GRIN3A: variants seen among roughly 807,000 people sequenced by gnomAD.
GRIN3A encodes glutamate receptor ionotropic, NMDA 3A.
In GRIN3A, 47 loss-of-function variants were observed where a neutral mutation model predicts 92.4. The observed-to-expected ratio is 0.51, with a 90% CI of 0.40 to 0.65. The LOEUF (loss-of-function observed/expected upper bound fraction) is 0.65, where lower values mean the gene tolerates loss of function less well. GRIN3A is among the 30% of genes least tolerant of loss of function. GRIN3A has a pLI of 0.00. For synonymous variants in GRIN3A, 527 were observed against 540.6 expected, an observed-to-expected ratio of 0.97 and a Z score of 0.35; for missense variants, 1,324 against 1,393.1, an observed-to-expected ratio of 0.95 and a Z score of 0.79.
intron 8 of GRIN3A, among the ~76,000 whole-genome samples, 194 bp from the exon 9 acceptor site, chr9:101,573,707 G>A (rs774490745): frequency 8.0e-5 from 12 of 150,624 alleles, no homozygotes; most frequent in Non-Finnish European, 1.2e-4. Context: ...AAAAGTTCAA[G>A]TCCCATGCTG....
intron 1 of GRIN3A, among the ~76,000 whole-genome samples, chr9:101,732,799 C>T (rs933569964): frequency 2.6e-5 from 4 of 152,158 alleles, no homozygotes; most frequent in African/African-American, 4.8e-5. Flanking sequence ...CTTTTACTTT[C>T]TCATTTGATT....
At chr9:101,595,906 G>A (rs1367641598) in intron 6 of GRIN3A, among the ~76,000 whole-genome samples, 2 of 152,172 alleles carry the variant, frequency 1.3e-5, no homozygotes, top group African/African-American at 4.8e-5. Flanking sequence ...GTCGCCTCTG[G>A]ATGATCTCAC....
chr9:101,701,323 G>A lies in GRIN3A; in HGVS notation c.700-14123C>T, dbSNP rs565040398. Among the ~76,000 whole-genome samples the A allele has an allele frequency of 3.9e-5, 6 of 152,144 alleles. No homozygotes were observed. In the South Asian group the frequency reaches 6.2e-4, roughly 16 times the overall value. On this transcript the variant is annotated intron_variant, in intron 1 of 8. Transcript: ENST00000361820. Reference sequence around the variant, plus strand: ...TTGTACAGATTATTTCATCACCGACGTATTAAGTCTAGTACCCATTAGTTG... The same window carrying A: ...TTGTACAGATTATTTCATCACCGACATATTAAGTCTAGTACCCATTAGTTG...
intron 3 of GRIN3A, 56 bp downstream of exon 3, chr9:101,670,004 C>A: frequency 7.8e-7 from 1 of 1,284,688 alleles, no homozygotes; most frequent in Admixed American, 1.7e-5. Context: ...GCAGAAGATA[C>A]AACATACGGA....
intron 6 of GRIN3A, among the ~76,000 whole-genome samples, chr9:101,584,671 T>C (rs1042890874): frequency 2.6e-5 from 4 of 152,254 alleles, no homozygotes; most frequent in Admixed American, 2.0e-4. Flanking sequence ...TCTATAAATT[T>C]ACTAGCCAAC....
At chr9:101,614,609 CTTTTTTTTTTTTTTTTT>C (rs754003481) in intron 5 of GRIN3A, among the ~76,000 whole-genome samples, 1 of 83,050 alleles carries the variant, frequency 1.2e-5, no homozygotes, top group African/African-American at 5.3e-5. Context: ...ATATGTGATA[CTTTTTTTTTTTTTTTTT>C]TTTTTTTTTT....
rs28485086 is a variant in GRIN3A, at chr9:101,624,723, T to C, written c.2499-1290A>G. 9.2e-3 allele frequency among the ~76,000 whole-genome samples: 1,390 copies of C among 151,560 alleles called. 26 individuals are homozygous for C. Among genetic ancestry groups the C allele is most frequent in the African/African-American group, 0.032 (1,330 of 41,256 alleles). ...TCTTTATAGCAGCATGATTTATAGT[T>C]CTTTGGGTATATACCCAGTAATGGG... On this transcript the variant is annotated intron_variant, in intron 4 of 8. Transcript: ENST00000361820.
At chr9:101,735,702 C>T (rs568743088) in intron 1 of GRIN3A, among the ~76,000 whole-genome samples, 1 of 151,974 alleles carries the variant, frequency 6.6e-6, no homozygotes, top group Admixed American at 6.5e-5. Flanking sequence ...TTTGTTAGAT[C>T]TGATTCTGCA....
Position 101,623,353 on chromosome 9 carries a change from T to C in GRIN3A, c.2579A>G (p.Lys860Arg), listed in dbSNP as rs1269918119. The change falls in exon 5 of 9, where the codon AAA becomes AGA. Residue 860 changes from lysine to arginine, a missense_variant. By Grantham distance (26) the Lys-to-Arg change is conservative. Coordinates refer to ENST00000361820, the MANE Select transcript of GRIN3A (RefSeq NM_133445.3). ...DYEVSIDADCKLLTVGKPFAI... is the reference protein window; with the variant it reads ...DYEVSIDADCRLLTVGKPFAI... ...AAATGGCTTCCCCACAGTGAGAAGT[T>C]TGCAGTCAGCATCTATTGACACTTC... 1.2e-6 allele frequency: 2 copies of C among 1,613,640 alleles called. No individual in the cohort carries two copies. Among genetic ancestry groups the C allele is most frequent in the South Asian group, 1.1e-5 (1 of 91,074 alleles).
intron 6 of GRIN3A, among the ~76,000 whole-genome samples, chr9:101,609,183 C>T (rs1293521588): frequency 5.9e-5 from 9 of 152,172 alleles, no homozygotes; most frequent in Non-Finnish European, 1.3e-4. Flanking sequence ...CCCATTCCCT[C>T]ACCAATGATA....
intron 4 of GRIN3A, among the ~76,000 whole-genome samples, chr9:101,624,950 C>T (rs1232753456): frequency 6.6e-6 from 1 of 152,060 alleles, no homozygotes; most frequent in Non-Finnish European, 1.5e-5. Context: ...TGGGGTTCAC[C>T]TCATATAAAT....
intron 6 of GRIN3A, among the ~76,000 whole-genome samples, chr9:101,595,998 C>G (rs1402780868): frequency 6.6e-6 from 1 of 152,156 alleles, no homozygotes; most frequent in African/African-American, 2.4e-5. Context: ...TTCTTCCTTT[C>G]GGAGCGCATC....
Position 101,623,275 on chromosome 9 carries a change from G to A in GRIN3A, c.2614+43C>T, listed in dbSNP as rs1300920019. On this transcript the variant is annotated intron_variant, in intron 5 of 8. Transcript: ENST00000361820. ...GTGACTTTCTAGGTTGGCAAACTGA[G>A]CACATCCTGAGTAAAAGTGAATCAA... 2.2e-6 allele frequency: 3 copies of A among 1,341,786 alleles called. No individual in the cohort carries two copies. In the East Asian group the frequency reaches 6.9e-5, roughly 31 times the overall value. The allele number at this position is 1,341,786 out of a possible 1,614,324, so 83.1% of individuals were successfully genotyped here. A position where few individuals can be genotyped will look rare whatever the true frequency, so the allele number is the denominator to read the frequency against.
At position 101,720,968 on chromosome 9, in the gene GRIN3A, A is replaced by G. The variant is rs139848228; in HGVS notation, c.699+16313T>C. Among the ~76,000 whole-genome samples the G allele has an allele frequency of 3.4e-3, 515 of 152,314 alleles. 5 individuals carry two copies. The highest frequency in any genetic ancestry group is 0.011 in the African/African-American group (466 of 41,560). On this transcript the variant is annotated intron_variant, in intron 1 of 8. Coordinates refer to ENST00000361820, the MANE Select transcript of GRIN3A (RefSeq NM_133445.3). ...GTGACACAAGTTTACCTATGTAACA[A>G]ACCTGCGTGTGTACCTCTGAACTTA...
chr9:101,606,560 T>C (rs1020763717), intron 6 of GRIN3A, among the ~76,000 whole-genome samples: 1 of 152,180 alleles, frequency 6.6e-6, no homozygotes, highest in African/African-American at 2.4e-5. Context: ...CCTGGGAGAC[T>C]GTAGTATCTT....
chr9:101,682,972 A>G (rs749614536), intron 2 of GRIN3A, among the ~76,000 whole-genome samples: 1 of 152,242 alleles, frequency 6.6e-6, no homozygotes, highest in Non-Finnish European at 1.5e-5. Flanking sequence ...ACAGAGAAAG[A>G]CTCCGTCTCA....
intron 8 of GRIN3A, among the ~76,000 whole-genome samples, chr9:101,574,586 T>G (rs1248464177): frequency 2.0e-5 from 3 of 152,168 alleles, no homozygotes; most frequent in Non-Finnish European, 2.9e-5. Flanking sequence ...AAGAGAAGAA[T>G]AATAAAGTCT....
At chr9:101,716,207 T>G (rs866562656) in intron 1 of GRIN3A, among the ~76,000 whole-genome samples, 16 of 151,596 alleles carry the variant, frequency 1.1e-4, no homozygotes, top group South Asian at 6.2e-4. Flanking sequence ...GAAATGTCAG[T>G]TTTTTTTTAA....
At chr9:101,610,825 G>A (rs551348244) in intron 6 of GRIN3A, among the ~76,000 whole-genome samples, 25 of 152,086 alleles carry the variant, frequency 1.6e-4, no homozygotes, top group Non-Finnish European at 3.5e-4. Flanking sequence ...TTAGCCAGGC[G>A]CGGTGGCTCA....
Sources: allele counts gnomAD v4.1 joint callset (sites outside exome capture counted in the v4.1 genomes callset), GRCh38; gene constraint gnomAD v4.1.1; transcripts MANE v1.5; gene names NCBI Gene and HGNC (gene_info 2026-07-23, HGNC 2026-07-21).